Variants in RFC3 observed in about 807,000 individuals in gnomAD.
RFC3 encodes the protein A1 38 kDa subunit.
Under a neutral mutation model 45.1 loss-of-function variants are expected in RFC3, and 41 were observed. That is an observed-to-expected ratio of 0.91 (90% CI 0.71 to 1.18). The LOEUF (loss-of-function observed/expected upper bound fraction) is 1.18, where lower values mean the gene tolerates loss of function less well. Ranked by LOEUF, RFC3 falls within the 50% of genes most tolerant of loss-of-function variation. RFC3 has a pLI of 0.00. For synonymous variants in RFC3, 149 were observed against 144.0 expected, an observed-to-expected ratio of 1.03 and a Z score of -0.25; for missense variants, 423 against 428.1, an observed-to-expected ratio of 0.99 and a Z score of 0.10.
At chr13:33,834,678 T>C (rs2082137149) in intron 7 of RFC3, among the ~76,000 whole-genome samples, 2 of 152,132 alleles carry the variant, frequency 1.3e-5, no homozygotes, top group African/African-American at 2.4e-5. Context: ...AATTGACTTT[T>C]TAATCTTTTC....
intron 8 of RFC3, among the ~76,000 whole-genome samples, chr13:33,961,221 A>T (rs2083055380): frequency 6.6e-6 from 1 of 152,046 alleles, no homozygotes; most frequent in South Asian, 2.1e-4. Flanking sequence ...CCCTGCTGTC[A>T]TTTCTTCCAC....
intron 4 of RFC3, among the ~76,000 whole-genome samples, chr13:33,828,781 C>A (rs887112042): frequency 6.6e-6 from 1 of 152,208 alleles, no homozygotes; most frequent in Non-Finnish European, 1.5e-5. Flanking sequence ...CTTCCTCAGC[C>A]TCCCAAAATG....
At chr13:33,968,586 G>A (rs769302973), downstream of RFC3, among the ~76,000 whole-genome samples, 3 of 152,116 alleles carry the variant, frequency 2.0e-5, no homozygotes, top group Non-Finnish European at 4.4e-5. Flanking sequence ...GTTTTTCTGT[G>A]TGCTTTCCAT....
chr13:33,841,750 C>CTT, downstream of RFC3, among the ~76,000 whole-genome samples: 1 of 152,064 alleles, frequency 6.6e-6, no homozygotes, highest in African/African-American at 2.4e-5. Context: ...GTTTTTCATG[C>CTT]TTGTTTGTAA....
intron 7 of RFC3, among the ~76,000 whole-genome samples, chr13:33,832,238 G>A (rs1049163209): frequency 6.6e-6 from 1 of 152,206 alleles, no homozygotes; most frequent in South Asian, 2.1e-4. Context: ...ATCCTTGTTG[G>A]GTTTCTGAAC....
chr13:33,836,184 T>A lies in RFC3; in HGVS notation c.960T>A (p.His320Gln), dbSNP rs753474549. ...EVAQMAAYYE[H>Q]RLQLGSKAIY... ...CACAAATGGCAGCTTACTATGAGCATCGTCTACAGCTGGGTAGCAAAGCCA... is the reference window on the plus strand; with the variant it reads ...CACAAATGGCAGCTTACTATGAGCAACGTCTACAGCTGGGTAGCAAAGCCA... The change falls in exon 9 of 9, where the codon CAT becomes CAA. Residue 320 changes from histidine (H) to glutamine (Q), a missense_variant. Coordinates refer to ENST00000380071, the MANE Select transcript of RFC3 (RefSeq NM_002915.4). 3.7e-6 allele frequency: 6 copies of A among 1,613,366 alleles called. No individual in the cohort carries two copies.
chr13:33,945,602 C>A (rs1380517525), intron 8 of RFC3, among the ~76,000 whole-genome samples: 5 of 152,136 alleles, frequency 3.3e-5, no homozygotes, highest in Non-Finnish European at 7.4e-5. Context: ...TTTTTAATTT[C>A]TCAAGTGATA....
intron 8 of RFC3, among the ~76,000 whole-genome samples, chr13:33,894,945 ATT>A (rs1375322533): frequency 6.6e-6 from 1 of 152,164 alleles, no homozygotes; most frequent in Non-Finnish European, 1.5e-5. Flanking sequence ...ACACTGGATA[ATT>A]CACACGTAGA....
At chr13:33,949,070 G>C (rs1187240352) in intron 8 of RFC3, among the ~76,000 whole-genome samples, 6 of 152,084 alleles carry the variant, frequency 3.9e-5, no homozygotes, top group Admixed American at 3.9e-4. Flanking sequence ...GGAATGATAT[G>C]GTTCATCTCT....
chr13:33,826,973 A>G (rs1047876140), intron 4 of RFC3, among the ~76,000 whole-genome samples: 2 of 152,210 alleles, frequency 1.3e-5, no homozygotes, highest in Non-Finnish European at 2.9e-5. Context: ...GTATTTGATC[A>G]TGGTAAGAAA....
intron 2 of RFC3, 22 bp downstream of exon 2, chr13:33,821,291 C>A (rs776431676): frequency 6.8e-6 from 11 of 1,610,262 alleles, no homozygotes; most frequent in Non-Finnish European, 9.3e-6. Flanking sequence ...ACTTTGAGGC[C>A]CTGAAAGTAA....
At chr13:33,955,452 A>G (rs1325332812) in intron 8 of RFC3, among the ~76,000 whole-genome samples, 3 of 152,200 alleles carry the variant, frequency 2.0e-5, no homozygotes, top group Admixed American at 6.5e-5. Flanking sequence ...GGAAGAGTAT[A>G]TCTACATGAT....
intron 8 of RFC3, among the ~76,000 whole-genome samples, chr13:33,947,423 A>G (rs1383323094): frequency 6.6e-6 from 1 of 152,028 alleles, no homozygotes; most frequent in Non-Finnish European, 1.5e-5. Flanking sequence ...TTTATAAATT[A>G]CCCAGTCTCT....
intron 8 of RFC3, among the ~76,000 whole-genome samples, chr13:33,951,975 T>A (rs2082993994): frequency 6.6e-6 from 1 of 152,248 alleles, no homozygotes; most frequent in Non-Finnish European, 1.5e-5. Flanking sequence ...ACAAAGTCAT[T>A]GGCTTTAAGG....
intron 8 of RFC3, among the ~76,000 whole-genome samples, chr13:33,842,508 G>T (rs1447101750): frequency 2.0e-5 from 3 of 152,116 alleles, no homozygotes; most frequent in Non-Finnish European, 4.4e-5. Context: ...GCTTTTCTGT[G>T]TAACTCCCTT....
chr13:33,973,008 A>C, the RFC3 span, among the ~76,000 whole-genome samples: 3 of 152,204 alleles, frequency 2.0e-5, no homozygotes, highest in Admixed American at 6.5e-5. Flanking sequence ...TTTAGTGCCT[A>C]TTGTGAGTAA....
At chr13:33,842,953 C>G (rs1407679882) in intron 8 of RFC3, among the ~76,000 whole-genome samples, 1 of 152,150 alleles carries the variant, frequency 6.6e-6, no homozygotes. Flanking sequence ...CAGTATACAT[C>G]ACAACAGAAA....
chr13:33,900,728 A>G (rs9563912), intron 8 of RFC3, among the ~76,000 whole-genome samples: 17,344 of 151,890 alleles, frequency 0.11, 2,018 homozygotes, highest in African/African-American at 0.3. Context: ...AAAAGAAACA[A>G]TCAACAAAGA....
intron 8 of RFC3, among the ~76,000 whole-genome samples, chr13:33,920,280 AC>A (rs1181595569): frequency 2.6e-5 from 4 of 151,942 alleles, no homozygotes; most frequent in Non-Finnish European, 4.4e-5. Flanking sequence ...CCAACCAAAT[AC>A]CCTCTCAAGA....
Sources: gnomAD v4.1 joint callset for allele counts (sites outside exome capture counted in the v4.1 genomes callset) on GRCh38, gnomAD v4.1.1 for gene constraint, MANE v1.5 for transcripts, NCBI Gene and HGNC (gene_info 2026-07-23, HGNC 2026-07-21) for gene names.